The following MYO3B variants were observed in gnomAD, a reference collection of about 807,000 sequenced individuals.
MYO3B encodes the protein myosin IIIB, also known as myosin-IIIb.
A neutral mutation model predicts 174.6 loss-of-function variants in MYO3B; 156 were observed. That is an observed-to-expected ratio of 0.89 (90% confidence interval 0.78 to 1.02). The LOEUF is 1.02. MYO3B is among the 50% of genes least tolerant of loss of function. The pLI is 0.00. For synonymous variants in MYO3B, 563 were observed against 569.1 expected (o/e 0.99, Z 0.15); for missense variants, 1,632 against 1,639.4 (o/e 1.00, Z 0.08).
chr2:170,605,401 G>C (rs1349698874), intron 32 of MYO3B, among the ~76,000 whole-genome samples: 1 of 152,148 alleles, frequency 6.6e-6, no homozygotes, highest in Non-Finnish European at 1.5e-5. Flanking sequence ...GTCCAGCCCA[G>C]ATTGTTTCTC....
At chr2:170,619,802 G>A (rs541250506) in intron 32 of MYO3B, among the ~76,000 whole-genome samples, 10 of 128,168 alleles carry the variant, frequency 7.8e-5, no homozygotes, top group East Asian at 4.6e-4. Flanking sequence ...GCTAGAGTGC[G>A]GTGGGGTGAT....
In MYO3B at chr2:170,214,765, C is replaced by G. The variant is rs377640353; in HGVS notation, c.463C>G (p.Arg155Gly). ...TTTGCACAACAACCGAATCATCCAC[C>G]GTGATGTGAAGGGGAATAACATTCT... is the stretch of plus-strand genomic sequence containing the variant. ...QHLHNNRIIH[R>G]DVKGNNILLT... Residue 155 changes from arginine (R) to glycine (G), a missense_variant, in exon 5 of 35, where the codon CGT becomes GGT. Coordinates refer to ENST00000408978, the MANE Select transcript of MYO3B (RefSeq NM_138995.5). 2 of 1,614,018 alleles carry G rather than the reference C, an allele frequency of 1.2e-6. No individual in the cohort carries two copies. Among genetic ancestry groups the G allele is most frequent in the African/African-American group, 1.3e-5 (1 of 74,916 alleles).
At chr2:170,580,200 A>G (rs1487688388) in intron 32 of MYO3B, among the ~76,000 whole-genome samples, 1 of 152,244 alleles carries the variant, frequency 6.6e-6, no homozygotes, top group East Asian at 1.9e-4. Context: ...AGTTAATAAT[A>G]TCACATTGTT....
At chr2:170,454,947 G>T (rs1683824311) in intron 23 of MYO3B, among the ~76,000 whole-genome samples, 1 of 152,152 alleles carries the variant, frequency 6.6e-6, no homozygotes, top group Non-Finnish European at 1.5e-5. Context: ...CTTGCACTGA[G>T]TCAATTCCTG....
intron 9 of MYO3B, among the ~76,000 whole-genome samples, chr2:170,370,884 C>T (rs974066303): frequency 2.9e-5 from 4 of 140,016 alleles, no homozygotes; most frequent in Admixed American, 6.9e-5. Flanking sequence ...CAGATCTATG[C>T]TCTCTCTCTC....
rs141199937 is a variant in MYO3B at position 170,568,161 on chromosome 2, A to C, written c.3733+24173A>C. Among the ~76,000 whole-genome samples the C allele has an allele frequency of 5.7e-3, 872 of 152,188 alleles. 5 individuals carry two copies. Among genetic ancestry groups the C allele is most frequent in the African/African-American group, 0.019 (800 of 41,490 alleles). On this transcript the variant is annotated intron_variant, in intron 32 of 34. Coordinates refer to ENST00000408978, the MANE Select transcript of MYO3B (RefSeq NM_138995.5). Reference sequence around the variant, plus strand: ...GCCATGACATGGCAAAGCCTGAAAAACTCTGCTTTGCAGATATACTTTGCA... The same window carrying C: ...GCCATGACATGGCAAAGCCTGAAAACCTCTGCTTTGCAGATATACTTTGCA...
chr2:170,242,818 G>C lies in MYO3B; in HGVS notation c.749+6682G>C, dbSNP rs1394723138. On this transcript the variant is annotated intron_variant, in intron 7 of 34. Transcript: ENST00000408978. ...TCCAACCCACCTCCTAAATGATGGA[G>C]AGATGGGCAAAGAAGTAGGCAAGGA... Among the ~76,000 whole-genome samples the C allele has an allele frequency of 2.0e-5, 3 of 152,196 alleles. No individual in the cohort carries two copies. The East Asian group carries it at 5.8e-4, about 29-fold the overall frequency.
At chr2:170,399,101 G>A (rs1198460370) in intron 16 of MYO3B, among the ~76,000 whole-genome samples, 1 of 151,950 alleles carries the variant, frequency 6.6e-6, no homozygotes, top group Non-Finnish European at 1.5e-5. Context: ...AATTGGCCGG[G>A]CGTGGTAGTG....
At chr2:170,543,793 G>A in intron 31 of MYO3B, 99 bp from the exon 32 acceptor site, 1 of 856,636 alleles carries the variant, frequency 1.2e-6, no homozygotes, top group Non-Finnish European at 1.8e-6. Flanking sequence ...CTTGCTTTTA[G>A]TCAGGTTTAA....
intron 6 of MYO3B, among the ~76,000 whole-genome samples, chr2:170,219,322 T>G (rs1489542197): frequency 1.3e-5 from 2 of 152,218 alleles, no homozygotes; most frequent in Admixed American, 6.5e-5. Context: ...CTTAATATAG[T>G]GCTTGATACA....
chr2:170,379,263 C>G lies in MYO3B; in HGVS notation c.972-2753C>G, dbSNP rs150328519. 4.7e-5 allele frequency among the ~76,000 whole-genome samples: 7 copies of G among 148,380 alleles called. No individual in the cohort carries two copies. The Admixed American group carries it at 4.7e-4, about 10-fold the overall frequency. ...AGGTTGGCATGCAGTGGCTTGATCT[C>G]GGCTCACTGCAACCTCTGCCTCCCG... On this transcript the variant is annotated intron_variant, in intron 9 of 34. Transcript: ENST00000408978.
chr2:170,609,873 G>C (rs1432272801), intron 32 of MYO3B, among the ~76,000 whole-genome samples: 1 of 152,232 alleles, frequency 6.6e-6, no homozygotes, highest in Non-Finnish European at 1.5e-5. Flanking sequence ...AATCACTCTG[G>C]GTGGGGAAAG....
At chr2:170,518,077 T>TAAC (rs1049431429) in intron 29 of MYO3B, among the ~76,000 whole-genome samples, 3 of 152,062 alleles carry the variant, frequency 2.0e-5, no homozygotes, top group African/African-American at 7.2e-5. Context: ...GTAGCAATAA[T>TAAC]AACAACAACA....
At chr2:170,215,095 G>A (rs35541596) in intron 5 of MYO3B, among the ~76,000 whole-genome samples, 53,238 of 152,054 alleles carry the variant, frequency 0.35, 9,489 homozygotes, top group Non-Finnish European at 0.38. Flanking sequence ...AAAACTTTTC[G>A]GTTTTCTGCT....
chr2:170,228,183 T>C (rs2092972835), intron 6 of MYO3B, among the ~76,000 whole-genome samples: 1 of 152,110 alleles, frequency 6.6e-6, no homozygotes, highest in African/African-American at 2.4e-5. Context: ...GGCTCAGCAT[T>C]CTCCATAATT....
At chr2:170,233,405 G>T (rs1263796292) in intron 6 of MYO3B, among the ~76,000 whole-genome samples, 1 of 152,174 alleles carries the variant, frequency 6.6e-6, no homozygotes, top group East Asian at 1.9e-4. Context: ...TGATTGATAG[G>T]TCTAAAATTA....
chr2:170,402,029 C>T (rs373272588), intron 18 of MYO3B, among the ~76,000 whole-genome samples: 3 of 151,986 alleles, frequency 2.0e-5, no homozygotes, highest in Non-Finnish European at 2.9e-5. Context: ...CATTTGTACC[C>T]GAGAGGCAAA....
intron 32 of MYO3B, among the ~76,000 whole-genome samples, chr2:170,566,109 G>C (rs922849727): frequency 2.6e-5 from 4 of 151,990 alleles, no homozygotes; most frequent in Non-Finnish European, 5.9e-5. Context: ...AAATATACTT[G>C]GATTTTAAAG....
At chr2:170,356,262 A>G (rs1300138166) in intron 8 of MYO3B, among the ~76,000 whole-genome samples, 4 of 150,524 alleles carry the variant, frequency 2.7e-5, no homozygotes, top group South Asian at 4.2e-4. Context: ...CGCCTGGCCA[A>G]CAGGCTTCGG....
Sources: gnomAD v4.1 joint callset for allele counts (sites outside exome capture counted in the v4.1 genomes callset) on GRCh38, gnomAD v4.1.1 for gene constraint, MANE v1.5 for transcripts, NCBI Gene and HGNC (gene_info 2026-07-23, HGNC 2026-07-21) for gene names.